The following SLC43A2 variants were observed in gnomAD, a reference collection of about 807,000 sequenced individuals.
SLC43A2 encodes large neutral amino acids transporter small subunit 4.
In SLC43A2, 38 loss-of-function variants were observed where a neutral mutation model predicts 63.2. The observed-to-expected ratio is 0.60, with a 90% CI of 0.46 to 0.79. The LOEUF (loss-of-function observed/expected upper bound fraction) is 0.79, where lower values mean the gene tolerates loss of function less well. Ranked by LOEUF, SLC43A2 falls within the 30% of genes least tolerant of loss-of-function variation. The pLI is 0.00. For synonymous variants in SLC43A2, 322 were observed against 331.0 expected (o/e 0.97, Z 0.30); for missense variants, 644 against 756.2 (o/e 0.85, Z 1.74).
At chr17:1,598,209 T>G (rs1905518109) in intron 5 of SLC43A2, among the ~76,000 whole-genome samples, 1 of 152,082 alleles carries the variant, frequency 6.6e-6, no homozygotes, top group African/African-American at 2.4e-5. Context: ...GACCATGAGG[T>G]CAGGAGCTTG....
chr17:1,616,855 C>T, intron 2 of SLC43A2, 86 bp from the exon 3 acceptor site: 1 of 1,471,010 alleles, frequency 6.8e-7, no homozygotes, highest in Non-Finnish European at 9.3e-7. Flanking sequence ...ATTCAGAGTC[C>T]CCCCACTGGG....
chr17:1,598,362 A>G (rs928942209), intron 5 of SLC43A2, among the ~76,000 whole-genome samples: 3 of 151,728 alleles, frequency 2.0e-5, no homozygotes, highest in Non-Finnish European at 4.4e-5. Context: ...CAGAGGTTGC[A>G]GTGAGCCGAG....
intron 2 of SLC43A2, among the ~76,000 whole-genome samples, chr17:1,622,539 T>A (rs1908261868): frequency 6.7e-6 from 1 of 150,152 alleles, no homozygotes; most frequent in South Asian, 2.1e-4. Flanking sequence ...CACTCCAGCC[T>A]GGGCGACAGA....
chr17:1,581,202 C>CCACACACA lies in SLC43A2; in HGVS notation c.1350+1994_1350+2001dup, dbSNP rs376885169. On this transcript the variant is annotated intron_variant, in intron 11 of 13. Transcript: ENST00000301335. ...GTTGAAAGAGGGCTGTGCCCAGTGC[C>CCACACACA]CACACACACACACACACACGCACGC... 2.6e-3 allele frequency among the ~76,000 whole-genome samples: 382 copies of CCACACACA among 148,470 alleles called. 3 individuals are homozygous for CCACACACA. Among genetic ancestry groups the CCACACACA allele is most frequent in the Non-Finnish European group, 3.4e-3 (228 of 67,098 alleles).
At chr17:1,597,823 AAAAAG>A (rs1474773269) in intron 5 of SLC43A2, among the ~76,000 whole-genome samples, 1 of 152,134 alleles carries the variant, frequency 6.6e-6, no homozygotes, top group African/African-American at 2.4e-5. Flanking sequence ...AAGAAAAAAG[AAAAAG>A]AAAAGAAAAG....
chr17:1,576,442 T>C (rs1410539152), intron 13 of SLC43A2, among the ~76,000 whole-genome samples, 155 bp downstream of exon 13: 1 of 152,156 alleles, frequency 6.6e-6, no homozygotes, highest in Non-Finnish European at 1.5e-5. Flanking sequence ...TTCCTTTTCC[T>C]GCCTAGCCAC....
chr17:1,625,414 G>A (rs1298422565), intron 2 of SLC43A2, among the ~76,000 whole-genome samples: 2 of 152,224 alleles, frequency 1.3e-5, no homozygotes, highest in Admixed American at 1.3e-4. Flanking sequence ...GTGACACGAA[G>A]CTGACAAATT....
At chr17:1,604,828 A>G (rs767337944) in intron 5 of SLC43A2, 26 of 1,535,720 alleles carry the variant, frequency 1.7e-5, no homozygotes, top group Non-Finnish European at 2.3e-5. Flanking sequence ...CCCGTAGGTC[A>G]TCCTGACATC....
intron 5 of SLC43A2, among the ~76,000 whole-genome samples, chr17:1,600,483 C>T (rs1206900221): frequency 6.7e-6 from 1 of 148,556 alleles, no homozygotes; most frequent in African/African-American, 2.5e-5. Flanking sequence ...CAAAGTAGGT[C>T]TGTGCTCTAA....
chr17:1,580,795 A>C (rs959812011), intron 11 of SLC43A2, among the ~76,000 whole-genome samples: 8 of 149,886 alleles, frequency 5.3e-5, no homozygotes, highest in African/African-American at 7.4e-5. Flanking sequence ...CACTGGTGCA[A>C]TCTCAGTTCA....
chr17:1,596,931 G>A (rs1905331074), intron 5 of SLC43A2, among the ~76,000 whole-genome samples: 2 of 152,046 alleles, frequency 1.3e-5, no homozygotes, highest in Admixed American at 1.3e-4. Flanking sequence ...AAAAGTCACA[G>A]TGAGGCCAGG....
intron 9 of SLC43A2, chr17:1,587,091 C>CGTTTCCCGCACTGG: frequency 9.4e-7 from 1 of 1,063,606 alleles, no homozygotes; most frequent in Non-Finnish European, 1.4e-6. Flanking sequence ...TCCCACACTG[C>CGTTTCCCGCACTGG]GTTTCCCGCA....
chr17:1,618,938 C>T lies in SLC43A2; in HGVS notation c.161-2169G>A, dbSNP rs369962705. On this transcript the variant is annotated intron_variant, in intron 2 of 13. Transcript: ENST00000301335. The stretch of plus-strand genomic sequence containing the variant: ...AACGGAGGCTGCAGTGAGCCAAGAT[C>T]ACACACCACTGCACTCCAGCCTGGG... Among the ~76,000 whole-genome samples, 3 of 152,000 alleles carry T rather than the reference C, an allele frequency of 2.0e-5. No homozygotes were observed. In the South Asian group the frequency reaches 6.2e-4, roughly 31 times the overall value.
At chr17:1,603,981 T>G (rs1047254957) in intron 5 of SLC43A2, among the ~76,000 whole-genome samples, 6 of 152,306 alleles carry the variant, frequency 3.9e-5, no homozygotes, top group Admixed American at 3.3e-4. Flanking sequence ...CCACGGCTTT[T>G]ACATGTGCCT....
upstream of SLC43A2, among the ~76,000 whole-genome samples, chr17:1,630,042 C>G (rs1053651459): frequency 1.3e-5 from 2 of 152,168 alleles, no homozygotes; most frequent in South Asian, 2.1e-4. Context: ...GAGTTTGAGA[C>G]CAGCCTGGGC....
At chr17:1,603,136 G>C (rs1906234689) in intron 5 of SLC43A2, 1 of 152,122 alleles carries the variant, frequency 6.6e-6, no homozygotes, top group Non-Finnish European at 1.5e-5. Context: ...TTCATAACAG[G>C]GAAAATCTTC....
Position 1,575,326 on chromosome 17 carries a change from C to T in SLC43A2, c.*278G>A. The stretch of plus-strand genomic sequence containing the variant: ...CCTGCCTGCCGGGCGTTCCTGGCTC[C>T]TGCTGCAGGCACCACAGAGACCCCA... On this transcript the variant is annotated 3_prime_UTR_variant, in exon 14 of 14. Transcript: ENST00000301335. The T allele has an allele frequency of 1.9e-6, 1 of 523,626 alleles. No homozygotes were observed. Among genetic ancestry groups the T allele is most frequent in the Non-Finnish European group, 3.4e-6 (1 of 293,620 alleles). The allele number at this position is 523,626 out of a possible 1,614,324, so 32.4% of individuals were successfully genotyped here. A position where few individuals can be genotyped will look rare whatever the true frequency, so the allele number is the denominator to read the frequency against.
intron 9 of SLC43A2, chr17:1,586,927 A>AGGGCCCCCCC: frequency 1.6e-5 from 22 of 1,355,832 alleles, no homozygotes; most frequent in East Asian, 2.6e-5. Flanking sequence ...TTCCCTGACA[A>AGGGCCCCCCC]TCCCCCCCAC....
At chr17:1,618,826 A>C (rs1567647350) in intron 2 of SLC43A2, among the ~76,000 whole-genome samples, 1 of 152,076 alleles carries the variant, frequency 6.6e-6, no homozygotes, top group Non-Finnish European at 1.5e-5. Flanking sequence ...CTCTACTAAA[A>C]ATTCAAAAAT....
Sources: gnomAD v4.1 joint callset for allele counts (sites outside exome capture counted in the v4.1 genomes callset) on GRCh38, gnomAD v4.1.1 for gene constraint, MANE v1.5 for transcripts, NCBI Gene and HGNC (gene_info 2026-07-23, HGNC 2026-07-21) for gene names.